The following NEGR1 variants were observed in gnomAD, a reference collection of about 807,000 sequenced individuals.
The protein encoded by NEGR1 is IgLON family member 4.
A neutral mutation model predicts 40.9 loss-of-function variants in NEGR1; 10 were observed. The observed-to-expected ratio is 0.24, with a 90% CI of 0.15 to 0.42. NEGR1 has a LOEUF of 0.42. Among genes scored for constraint, NEGR1 ranks in the 10% least tolerant of loss-of-function variants. The pLI is 1.00. For missense variants in NEGR1, 352 were observed against 438.9 expected (o/e 0.80, Z 1.77); for synonymous variants, 185 against 166.8 (o/e 1.11, Z -0.84).
At chr1:72,099,642 T>G in intron 1 of NEGR1, among the ~76,000 whole-genome samples, 1 of 152,030 alleles carries the variant, frequency 6.6e-6, no homozygotes, top group East Asian at 1.9e-4. Context: ...GGTCTAATAT[T>G]TATTTTGCAC....
chr1:71,888,045 T>A (rs1263189563), intron 2 of NEGR1, among the ~76,000 whole-genome samples: 1 of 147,948 alleles, frequency 6.8e-6, no homozygotes. Context: ...ACCTCTAGAA[T>A]AAAAAGCTCA....
At chr1:72,101,513 T>C (rs912758322) in intron 1 of NEGR1, among the ~76,000 whole-genome samples, 4 of 152,128 alleles carry the variant, frequency 2.6e-5, no homozygotes, top group Non-Finnish European at 5.9e-5. Flanking sequence ...GGGTGCAATT[T>C]TGCACCAAAT....
At chr1:72,200,269 G>A (rs1653155726) in intron 1 of NEGR1, among the ~76,000 whole-genome samples, 1 of 151,856 alleles carries the variant, frequency 6.6e-6, no homozygotes, top group South Asian at 2.1e-4. Flanking sequence ...ATCAACCTAG[G>A]TGCCCATCAG....
intron 1 of NEGR1, among the ~76,000 whole-genome samples, chr1:72,038,354 T>C (rs1194935374): frequency 6.6e-6 from 1 of 152,022 alleles, no homozygotes; most frequent in Non-Finnish European, 1.5e-5. Flanking sequence ...ATGTTTAAGC[T>C]GAGATTGGGG....
intron 1 of NEGR1, among the ~76,000 whole-genome samples, chr1:72,215,913 T>A (rs1653789487): frequency 6.6e-6 from 1 of 152,054 alleles, no homozygotes; most frequent in African/African-American, 2.4e-5. Flanking sequence ...TGCACACGTA[T>A]GTTTATTGCA....
chr1:71,873,118 CAAAAAAA>C (rs34592789), intron 2 of NEGR1, among the ~76,000 whole-genome samples: 4 of 81,846 alleles, frequency 4.9e-5, no homozygotes, highest in East Asian at 7.3e-4. Context: ...AAAGATGTAG[CAAAAAAA>C]AAAAAAAAAA....
chr1:71,870,572 G>A (rs1313324489), intron 2 of NEGR1, among the ~76,000 whole-genome samples: 1 of 152,096 alleles, frequency 6.6e-6, no homozygotes, highest in Non-Finnish European at 1.5e-5. Flanking sequence ...CTTGCAGGTG[G>A]GGAGTGCAGT....
chr1:71,722,969 T>C (rs914232106), intron 3 of NEGR1, among the ~76,000 whole-genome samples: 2 of 152,086 alleles, frequency 1.3e-5, no homozygotes, highest in African/African-American at 4.8e-5. Flanking sequence ...CATTAGTTTG[T>C]TTTTCCTAGT....
At chr1:71,723,635 A>G (rs892444162) in intron 3 of NEGR1, among the ~76,000 whole-genome samples, 1 of 152,042 alleles carries the variant, frequency 6.6e-6, no homozygotes, top group African/African-American at 2.4e-5. Context: ...TTCAGACCTC[A>G]CCCTATGTAC....
At chr1:71,474,746 A>C (rs1278763956) in intron 6 of NEGR1, among the ~76,000 whole-genome samples, 1 of 151,284 alleles carries the variant, frequency 6.6e-6, no homozygotes, top group Middle Eastern at 3.4e-3. Context: ...AAACAAAAAA[A>C]CAAAACCAGA....
intron 4 of NEGR1, among the ~76,000 whole-genome samples, chr1:71,626,049 T>A (rs1304222846): frequency 6.6e-6 from 1 of 151,820 alleles, no homozygotes; most frequent in African/African-American, 2.4e-5. Context: ...GAGAATCTAA[T>A]GCCTGATGAT....
chr1:72,128,904 G>C (rs1197888658), intron 1 of NEGR1, among the ~76,000 whole-genome samples: 4 of 152,164 alleles, frequency 2.6e-5, no homozygotes, highest in African/African-American at 9.7e-5. Context: ...ACAAAAAAGA[G>C]AAGGAAGGGA....
intron 2 of NEGR1, among the ~76,000 whole-genome samples, chr1:71,917,677 G>A (rs890841280): frequency 6.6e-6 from 1 of 151,216 alleles, no homozygotes; most frequent in South Asian, 2.1e-4. Flanking sequence ...TACTCGGAGA[G>A]GCTGAGGCAG....
At chr1:71,762,151 CT>C (rs1655966756) in intron 3 of NEGR1, among the ~76,000 whole-genome samples, 1 of 151,696 alleles carries the variant, frequency 6.6e-6, no homozygotes, top group Non-Finnish European at 1.5e-5. Flanking sequence ...AGAGCAATTA[CT>C]TAAAAAGCTG....
intron 3 of NEGR1, among the ~76,000 whole-genome samples, chr1:71,762,579 G>C (rs572247775): frequency 2.0e-4 from 30 of 152,056 alleles, no homozygotes; most frequent in Non-Finnish European, 3.7e-4. Context: ...AGAAAATTGT[G>C]ATGCATTCAT....
At chr1:71,755,336 C>T (rs1655697078) in intron 3 of NEGR1, among the ~76,000 whole-genome samples, 1 of 152,162 alleles carries the variant, frequency 6.6e-6, no homozygotes, top group African/African-American at 2.4e-5. Flanking sequence ...TAAATGATAT[C>T]CCTCTTCTGC....
chr1:71,537,954 C>T (rs1160650129), intron 6 of NEGR1, among the ~76,000 whole-genome samples: 1 of 151,478 alleles, frequency 6.6e-6, no homozygotes, highest in Non-Finnish European at 1.5e-5. Context: ...AGTGAGCATG[C>T]CAAGGCTAAT....
At chr1:72,073,180 T>C (rs1366993753) in intron 1 of NEGR1, among the ~76,000 whole-genome samples, 2 of 152,066 alleles carry the variant, frequency 1.3e-5, no homozygotes, top group African/African-American at 2.4e-5. Context: ...TTCATAGTTA[T>C]TCTCATTTGG....
At chr1:71,597,472 C>CTCTCTCTCTGTGTGTGTGTGTGTGTG (rs756076229) in intron 5 of NEGR1, among the ~76,000 whole-genome samples, 8 of 31,316 alleles carry the variant, frequency 2.6e-4, no homozygotes, top group African/African-American at 6.0e-4. Context: ...CTCTCTCTCT[C>CTCTCTCTCTGTGTGTGTGTGTGTGTG]TGTGTGTGTG....
Sources: allele counts gnomAD v4.1 joint callset (sites outside exome capture counted in the v4.1 genomes callset), GRCh38; gene constraint gnomAD v4.1.1; transcripts MANE v1.5; gene names NCBI Gene and HGNC (gene_info 2026-07-23, HGNC 2026-07-21).